The following MAGI3 variants were observed in gnomAD, a reference collection of about 807,000 sequenced individuals.
MAGI3 encodes the protein membrane associated guanylate kinase, WW and PDZ domain containing 3, also known as membrane-associated guanylate kinase, WW and PDZ domain-containing protein 3.
A neutral mutation model predicts 121.8 loss-of-function variants in MAGI3; 43 were observed. That is an observed-to-expected ratio of 0.35 (90% CI 0.28 to 0.46). The LOEUF (loss-of-function observed/expected upper bound fraction) is 0.46, where lower values mean the gene tolerates loss of function less well. MAGI3 is among the 20% of genes least tolerant of loss of function. The pLI is 1.00. For missense variants in MAGI3, 1,547 were observed against 1,797.3 expected (o/e 0.86, Z 2.52); for synonymous variants, 553 against 639.3 (o/e 0.86, Z 2.04).
chr1:113,474,075 G>T (rs531209641), intron 1 of MAGI3, among the ~76,000 whole-genome samples: 25 of 152,278 alleles, frequency 1.6e-4, no homozygotes, highest in South Asian at 6.2e-4. Flanking sequence ...CTTTTGAGAC[G>T]TGTCTGTTCT....
chr1:113,537,481 A>G (rs1465058183), intron 1 of MAGI3, among the ~76,000 whole-genome samples: 1 of 152,190 alleles, frequency 6.6e-6, no homozygotes, highest in African/African-American at 2.4e-5. Context: ...TGTACAGAAG[A>G]AAAATGGCCA....
At chr1:113,596,543 T>A in intron 6 of MAGI3, among the ~76,000 whole-genome samples, 1 of 152,026 alleles carries the variant, frequency 6.6e-6, no homozygotes, top group East Asian at 1.9e-4. Context: ...CATTGAAAAA[T>A]GAATAGACAA....
chr1:113,604,351 A>C (rs188106841), intron 6 of MAGI3, among the ~76,000 whole-genome samples: 2,462 of 151,918 alleles, frequency 0.016, 75 homozygotes, highest in African/African-American at 0.056. Flanking sequence ...GGCAGATCAC[A>C]AGGTCAAGAG....
At chr1:113,481,686 A>G (rs532895184) in intron 1 of MAGI3, among the ~76,000 whole-genome samples, 63 of 152,338 alleles carry the variant, frequency 4.1e-4, no homozygotes, top group African/African-American at 1.3e-3. Flanking sequence ...GCCAGTGTTT[A>G]CCATGCAATC....
At chr1:113,453,901 C>G (rs56163245) in intron 1 of MAGI3, among the ~76,000 whole-genome samples, 2 of 152,234 alleles carry the variant, frequency 1.3e-5, no homozygotes, top group Non-Finnish European at 2.9e-5. Flanking sequence ...CTATCTACTG[C>G]TTCCCCTTGT....
intron 1 of MAGI3, among the ~76,000 whole-genome samples, chr1:113,421,829 T>C (rs1207184604): frequency 1.3e-5 from 2 of 152,336 alleles, no homozygotes; most frequent in East Asian, 3.9e-4. Context: ...TCTTGGATTC[T>C]TGCTATACGC....
rs1648498280 is a variant in MAGI3, at chr1:113,685,610, T to TAA, written c.*1597_*1598dup. 6.6e-6 allele frequency: 1 copy of TAA among 152,374 alleles called. No homozygotes were observed. Among genetic ancestry groups the TAA allele is most frequent in the African/African-American group, 2.4e-5 (1 of 41,462 alleles). 9.4% of individuals were successfully genotyped at this position (152,374 alleles called of 1,614,324 possible). A position where few individuals can be genotyped will look rare whatever the true frequency, so the allele number is the denominator to read the frequency against. On this transcript the variant is annotated 3_prime_UTR_variant, in exon 21 of 21. Coordinates refer to ENST00000307546, the MANE Select transcript of MAGI3 (RefSeq NM_001142782.2). The stretch of plus-strand genomic sequence containing the variant: ...CAAAATTAGGAGGCTTGATAAATAC[T>TAA]AAGAATTTAGTACCACAGAAATTAT...
intron 1 of MAGI3, among the ~76,000 whole-genome samples, chr1:113,526,003 A>C (rs1276963711): frequency 2.0e-5 from 3 of 152,336 alleles, no homozygotes; most frequent in Admixed American, 2.0e-4. Flanking sequence ...TCCATCTCAA[A>C]AAAACAAAAC....
At chr1:113,595,778 C>T (rs1032643649) in intron 6 of MAGI3, among the ~76,000 whole-genome samples, 9 of 152,318 alleles carry the variant, frequency 5.9e-5, no homozygotes, top group South Asian at 2.1e-4. Context: ...CATGATGGCT[C>T]ATGCCTGTAA....
At chr1:113,472,544 A>G (rs770144644) in intron 1 of MAGI3, among the ~76,000 whole-genome samples, 1 of 151,532 alleles carries the variant, frequency 6.6e-6, no homozygotes, top group Non-Finnish European at 1.5e-5. Context: ...TTTTTTCTGA[A>G]TGTTTTGTAG....
chr1:113,650,978 C>T lies in MAGI3; in HGVS notation c.2248-36C>T, dbSNP rs201839645. 2.5e-6 allele frequency: 4 copies of T among 1,578,948 alleles called. No homozygotes were observed. The East Asian group carries it at 6.8e-5, about 27-fold the overall frequency. ...TCCTTAACTCTTCAGCTAAACTTTA[C>T]ACTGTGGACCAAACTGTACTTTGTT... On this transcript the variant is annotated intron_variant, in intron 13 of 20. Transcript: ENST00000307546.
chr1:113,547,944 G>C (rs1312373449), intron 1 of MAGI3, among the ~76,000 whole-genome samples: 1 of 152,086 alleles, frequency 6.6e-6, no homozygotes, highest in Non-Finnish European at 1.5e-5. Context: ...GGACTTTTTA[G>C]GGTTTGTGTT....
At chr1:113,633,200 A>T (rs1183770478) in intron 9 of MAGI3, among the ~76,000 whole-genome samples, 1 of 135,778 alleles carries the variant, frequency 7.4e-6, no homozygotes, top group Non-Finnish European at 1.5e-5. Context: ...GATGATTTCC[A>T]ATTTCATCCA....
At chr1:113,676,057 C>A (rs1032953183) in intron 19 of MAGI3, among the ~76,000 whole-genome samples, 17 of 151,230 alleles carry the variant, frequency 1.1e-4, no homozygotes, top group Admixed American at 2.6e-4. Flanking sequence ...TCTCTCATCT[C>A]TCTCTCTCTC....
At chr1:113,558,326 A>G (rs145081306) in intron 2 of MAGI3, among the ~76,000 whole-genome samples, 82 of 152,326 alleles carry the variant, frequency 5.4e-4, no homozygotes, top group African/African-American at 1.9e-3. Flanking sequence ...ATAGAACAGT[A>G]CAGGAGCTGA....
chr1:113,457,155 G>C (rs1654800752), intron 1 of MAGI3, among the ~76,000 whole-genome samples: 1 of 152,142 alleles, frequency 6.6e-6, no homozygotes, highest in African/African-American at 2.4e-5. Context: ...CATGAGTCAG[G>C]GGAAGAGAAG....
intron 1 of MAGI3, among the ~76,000 whole-genome samples, chr1:113,515,212 A>T (rs1317384072): frequency 6.6e-6 from 1 of 151,838 alleles, no homozygotes; most frequent in East Asian, 1.9e-4. Context: ...AAGGCCTTTG[A>T]TGTTTGCCAT....
intron 1 of MAGI3, among the ~76,000 whole-genome samples, chr1:113,437,060 T>C (rs1038987791): frequency 1.2e-4 from 19 of 152,058 alleles, no homozygotes; most frequent in African/African-American, 4.3e-4. Context: ...GTGATCCGCC[T>C]GCCTTGGCCT....
intron 1 of MAGI3, among the ~76,000 whole-genome samples, chr1:113,398,042 C>A (rs2101281904): frequency 6.6e-6 from 1 of 152,266 alleles, no homozygotes; most frequent in East Asian, 1.9e-4. Context: ...TGAACCCTAG[C>A]AATTTATCCT....
Sources: allele counts gnomAD v4.1 joint callset (sites outside exome capture counted in the v4.1 genomes callset), GRCh38; gene constraint gnomAD v4.1.1; transcripts MANE v1.5; gene names NCBI Gene and HGNC (gene_info 2026-07-23, HGNC 2026-07-21).